SEPTIN7: variants seen among roughly 807,000 people sequenced by gnomAD.
The protein encoded by SEPTIN7 is septin-7.
In SEPTIN7, 10 loss-of-function variants were observed where a neutral mutation model predicts 63.3. That is an observed-to-expected ratio of 0.16 (90% confidence interval 0.10 to 0.27). The LOEUF (loss-of-function observed/expected upper bound fraction) is 0.27, where lower values mean the gene tolerates loss of function less well. Among genes scored for constraint, SEPTIN7 ranks in the 10% least tolerant of loss-of-function variants. The probability of loss-of-function intolerance (pLI) is 1.00; values close to 1 mark genes in which losing one functional copy is unlikely to be tolerated. For missense variants in SEPTIN7, 310 were observed against 521.0 expected (o/e 0.59, Z 3.94); for synonymous variants, 131 against 165.3 (o/e 0.79, Z 1.59).
Position 35,807,207 on chromosome 7 carries a change from G to A in SEPTIN7, c.61+5937G>A, listed in dbSNP as rs1479219110. Among the ~76,000 whole-genome samples, 6 of 149,474 alleles carry A rather than the reference G, an allele frequency of 4.0e-5. No homozygotes were observed. In the South Asian group the frequency reaches 6.3e-4, roughly 16 times the overall value. On this transcript the variant is annotated intron_variant, in intron 1 of 13. Transcript: ENST00000350320. ...AAAACTTTTTTTTTTTTTTTGAAAC[G>A]GAGTTTCGCTCTTGTTGCCCAGGCT...
At chr7:35,907,819 C>T (rs950107788), downstream of SEPTIN7, among the ~76,000 whole-genome samples, 7 of 152,194 alleles carry the variant, frequency 4.6e-5, no homozygotes, top group South Asian at 2.1e-4. Context: ...GGGCATGTAA[C>T]TTCTATGAAT....
intron 12 of SEPTIN7, chr7:35,900,615 A>G (rs1788266090): frequency 6.6e-6 from 1 of 152,248 alleles, no homozygotes; most frequent in Non-Finnish European, 1.5e-5. Context: ...TCAAGAGTCT[A>G]CTACATTATC....
intron 3 of SEPTIN7, among the ~76,000 whole-genome samples, chr7:35,837,932 C>T (rs184095688): frequency 2.6e-4 from 40 of 152,108 alleles, no homozygotes; most frequent in Non-Finnish European, 5.3e-4. Context: ...CCATGTTGGC[C>T]AGGCTGGTCT....
At chr7:35,890,878 C>G in intron 11 of SEPTIN7, 85 bp downstream of exon 11, 1 of 1,184,734 alleles carries the variant, frequency 8.4e-7, no homozygotes, top group Non-Finnish European at 1.1e-6. Flanking sequence ...TTTCTTCTGG[C>G]TACTCAGTAG....
intron 3 of SEPTIN7, among the ~76,000 whole-genome samples, chr7:35,845,313 T>C (rs746059046): frequency 1.3e-5 from 2 of 152,074 alleles, no homozygotes; most frequent in Non-Finnish European, 2.9e-5. Context: ...TCGTGCATTT[T>C]CATGACTTAG....
chr7:35,861,101 C>A (rs2116134558), intron 3 of SEPTIN7, among the ~76,000 whole-genome samples: 2 of 152,138 alleles, frequency 1.3e-5, no homozygotes, highest in African/African-American at 4.8e-5. Context: ...TGCTATTGAA[C>A]CTATATAGTG....
chr7:35,863,050 G>GT (rs1437492784), intron 3 of SEPTIN7, among the ~76,000 whole-genome samples: 1 of 152,068 alleles, frequency 6.6e-6, no homozygotes, highest in Non-Finnish European at 1.5e-5. Flanking sequence ...AGGCTGATGG[G>GT]TGGCTGAATT....
chr7:35,865,130 T>C lies in SEPTIN7; in HGVS notation c.276+1472T>C, dbSNP rs181723586. On this transcript the variant is annotated intron_variant, in intron 4 of 13. Transcript: ENST00000350320. ...ATGCTTATTTATTTTGTGATAAATATTGGAAATTTTAATCCTAAGCAAGAA... is the reference window on the plus strand; with the variant it reads ...ATGCTTATTTATTTTGTGATAAATACTGGAAATTTTAATCCTAAGCAAGAA... Among the ~76,000 whole-genome samples the C allele has an allele frequency of 3.3e-5, 5 of 152,246 alleles. No individual in the cohort carries two copies. In the East Asian group the frequency reaches 7.7e-4, roughly 23 times the overall value.
intron 6 of SEPTIN7, among the ~76,000 whole-genome samples, chr7:35,874,802 ATTC>A (rs1246807271): frequency 2.0e-5 from 3 of 152,136 alleles, no homozygotes; most frequent in African/African-American, 4.8e-5. Context: ...TATGTCTAAT[ATTC>A]TTTTACAGTA....
At chr7:35,816,677 A>T (rs1266650422) in intron 1 of SEPTIN7, among the ~76,000 whole-genome samples, 1 of 152,070 alleles carries the variant, frequency 6.6e-6, no homozygotes, top group South Asian at 2.1e-4. Flanking sequence ...CAGCTGCCTT[A>T]TTTTACATTT....
intron 6 of SEPTIN7, among the ~76,000 whole-genome samples, chr7:35,874,690 A>T (rs1786368090): frequency 6.6e-6 from 1 of 152,098 alleles, no homozygotes; most frequent in African/African-American, 2.4e-5. Flanking sequence ...TTTTATAGAT[A>T]GGTCAATGCC....
downstream of SEPTIN7, among the ~76,000 whole-genome samples, chr7:35,908,038 T>G (rs183072134): frequency 4.1e-4 from 62 of 152,322 alleles, no homozygotes; most frequent in African/African-American, 1.5e-3. Flanking sequence ...CTGGATCTGC[T>G]TCTTTGTGCA....
chr7:35,876,010 C>T (rs1786455319), intron 6 of SEPTIN7, among the ~76,000 whole-genome samples: 1 of 152,112 alleles, frequency 6.6e-6, no homozygotes, highest in South Asian at 2.1e-4. Context: ...ATGTAATATA[C>T]ATGTGAACTA....
intron 3 of SEPTIN7, among the ~76,000 whole-genome samples, chr7:35,838,348 CCCTCCCTCCCTCCCT>C: frequency 2.8e-4 from 4 of 14,236 alleles, no homozygotes; most frequent in African/African-American, 7.8e-4. Context: ...CTCCCTCCCT[CCCTCCCTCCCTCCCT>C]CCTCCCTCCC....
At chr7:35,843,221 G>A (rs969656697) in intron 3 of SEPTIN7, among the ~76,000 whole-genome samples, 3 of 152,166 alleles carry the variant, frequency 2.0e-5, no homozygotes, top group African/African-American at 7.2e-5. Flanking sequence ...GTGTAATTAA[G>A]GGGGAGGCAG....
chr7:35,888,116 G>A (rs1459470484), intron 10 of SEPTIN7, among the ~76,000 whole-genome samples: 3 of 152,112 alleles, frequency 2.0e-5, no homozygotes, highest in Admixed American at 1.3e-4. Flanking sequence ...GAAATCAAAT[G>A]GGGAAAGAAA....
At chr7:35,848,555 AT>A (rs1318666089) in intron 3 of SEPTIN7, among the ~76,000 whole-genome samples, 2 of 152,108 alleles carry the variant, frequency 1.3e-5, no homozygotes, top group African/African-American at 4.8e-5. Flanking sequence ...ATCAATTAGA[AT>A]TTCAGGTAAT....
In SEPTIN7 at chr7:35,896,970, C is replaced by T. The variant is rs546136693; in HGVS notation, c.999-1278C>T. Among the ~76,000 whole-genome samples, 40 of 152,248 alleles carry T rather than the reference C, an allele frequency of 2.6e-4. 1 individual carries two copies. In the South Asian group the frequency reaches 7.9e-3, roughly 30 times the overall value. ...TGTTTCTAACATTTTCTATCTAGCT[C>T]TTTTGCCTGCTTCCCTGTTAGAAAA... On this transcript the variant is annotated intron_variant, in intron 11 of 13. Transcript: ENST00000350320.
intron 3 of SEPTIN7, among the ~76,000 whole-genome samples, chr7:35,850,611 C>A (rs1784911394): frequency 6.6e-6 from 1 of 152,162 alleles, no homozygotes; most frequent in South Asian, 2.1e-4. Flanking sequence ...TGAAATGATA[C>A]TCCATCTTTC....
Sources: gnomAD v4.1 joint callset for allele counts (sites outside exome capture counted in the v4.1 genomes callset) on GRCh38, gnomAD v4.1.1 for gene constraint, MANE v1.5 for transcripts, NCBI Gene and HGNC (gene_info 2026-07-23, HGNC 2026-07-21) for gene names.